The following GCKR variants were observed in gnomAD, a reference collection of about 807,000 sequenced individuals.
GCKR encodes glucokinase regulatory protein.
A neutral mutation model predicts 82.9 loss-of-function variants in GCKR; 73 were observed. That is an observed-to-expected ratio of 0.88 (90% confidence interval 0.73 to 1.07). GCKR has a LOEUF of 1.07. Ranked by LOEUF, GCKR falls within the 50% of genes least tolerant of loss-of-function variation. The pLI is 0.00. For synonymous variants in GCKR, 294 were observed against 291.8 expected, an observed-to-expected ratio of 1.01 and a Z score of -0.08; for missense variants, 784 against 782.1, an observed-to-expected ratio of 1.00 and a Z score of -0.03.
chr2:27,503,617 G>A lies in GCKR; in HGVS notation c.748G>A (p.Gly250Arg), dbSNP rs374489109. ...QKAFVLNPAI[G>R]PEGLSGSSRM... ...AGCTTTTGTGCTCAATCCTGCCATC[G>A]GGGTAGGGCCTCTCCTTTTTCTATG... The change falls in exon 9 of 19, where the codon GGG becomes AGG. Residue 250 changes from glycine to arginine, a missense_variant and splice_region_variant. Physicochemically the swap from Gly to Arg is moderately radical, Grantham distance 125 (BLOSUM62 -2). Transcript: ENST00000264717. 19 of 1,544,128 alleles carry A rather than the reference G, an allele frequency of 1.2e-5. No homozygotes were observed. The African/African-American group carries it at 1.5e-4, about 12-fold the overall frequency.
At chr2:27,522,786 C>A (rs1403106347) in intron 18 of GCKR, among the ~76,000 whole-genome samples, 192 bp downstream of exon 18, 1 of 152,106 alleles carries the variant, frequency 6.6e-6, no homozygotes, top group Non-Finnish European at 1.5e-5. Flanking sequence ...AGGTTTCTTT[C>A]TGCTCTTAAT....
In GCKR at chr2:27,499,428, T is replaced by C. The variant is rs1170940424; in HGVS notation, c.527T>C (p.Ile176Thr). ...VAAGKKRVIV[I>T]GISVGLSAPF... ...GCCGGGAAGAAGAGAGTGATTGTCATTGGCATTTCTGTGGGACTCTCTGTG... is the reference window on the plus strand; with the variant it reads ...GCCGGGAAGAAGAGAGTGATTGTCACTGGCATTTCTGTGGGACTCTCTGTG... The change falls in exon 7 of 19, where the codon ATT becomes ACT. Residue 176 changes from isoleucine (I) to threonine (T), a missense_variant. Physicochemically the swap from Ile to Thr is moderately conservative, Grantham distance 89 (BLOSUM62 -1). Transcript: ENST00000264717. The C allele has an allele frequency of 1.9e-6, 3 of 1,612,414 alleles. No homozygotes were observed. Among genetic ancestry groups the C allele is most frequent in the South Asian group, 1.1e-5 (1 of 91,052 alleles).
chr2:27,519,378 T>G (rs1247096989), intron 17 of GCKR, among the ~76,000 whole-genome samples: 1 of 151,924 alleles, frequency 6.6e-6, no homozygotes, highest in Non-Finnish European at 1.5e-5. Context: ...TTCAGCTCAG[T>G]GCAACCTCCG....
At chr2:27,501,080 G>A in intron 7 of GCKR, 55 bp from the exon 8 acceptor site, 1 of 1,201,374 alleles carries the variant, frequency 8.3e-7, no homozygotes, top group Non-Finnish European at 1.2e-6. Flanking sequence ...TGAGCCTTGG[G>A]CACCACTCAG....
Position 27,508,206 on chromosome 2 carries a change from C to T in GCKR, c.1377C>T (p.Ile459=), listed in dbSNP as rs1321500471. The part of the protein sequence containing the change: ...LKKLFPSIIS[I]TWPLLFFEYE... ...AGCTCTTTCCCTCCATCATCAGCAT[C>T]ACATGGCCACTGCTTTTCTTTGAAT... is the stretch of plus-strand genomic sequence containing the variant. The change falls in exon 16 of 19, where the codon ATC becomes ATT. Residue 459 remains isoleucine, a synonymous_variant. Transcript: ENST00000264717. The T allele has an allele frequency of 6.2e-7, 1 of 1,612,466 alleles. No homozygotes were observed. Among genetic ancestry groups the T allele is most frequent in the Non-Finnish European group, 8.5e-7 (1 of 1,178,448 alleles).
chr2:27,497,050 C>A, intron 1 of GCKR, 86 bp downstream of exon 1: 1 of 1,272,780 alleles, frequency 7.9e-7, no homozygotes, highest in Non-Finnish European at 1.1e-6. Context: ...GGTTTCTGCT[C>A]ACCTCTTCTT....
chr2:27,499,309 C>G, intron 6 of GCKR, 88 bp from the exon 7 acceptor site: 1 of 1,349,166 alleles, frequency 7.4e-7, no homozygotes, highest in South Asian at 1.2e-5. Context: ...TCCTCCCTCC[C>G]CTGTTCCTGG....
chr2:27,500,672 G>A (rs764885783), intron 7 of GCKR, among the ~76,000 whole-genome samples: 2 of 152,122 alleles, frequency 1.3e-5, no homozygotes, highest in Non-Finnish European at 2.9e-5. Context: ...TGTTAGAAAT[G>A]CAAAATCTCA....
At position 27,497,485 on chromosome 2, in the gene GCKR, A is replaced by G. The variant is rs536204164; in HGVS notation, c.217-77A>G. 5,274 of 1,576,702 alleles carry G rather than the reference A, an allele frequency of 3.3e-3. 28 individuals carry two copies. Among genetic ancestry groups the G allele is most frequent in the Non-Finnish European group, 4.1e-3 (4,746 of 1,146,108 alleles). On this transcript the variant is annotated intron_variant, in intron 2 of 18. Coordinates refer to ENST00000264717, the MANE Select transcript of GCKR (RefSeq NM_001486.4). Reference sequence around the variant, plus strand: ...GCTCTCCCTCACCATGGCTCCTAATATCGGAAACCCTGAGACCCCCTCCCC... The same window carrying G: ...GCTCTCCCTCACCATGGCTCCTAATGTCGGAAACCCTGAGACCCCCTCCCC...
rs541385738 is a variant in GCKR, at chr2:27,498,070, T to G, written c.286-185T>G. Reference sequence around the variant, plus strand: ...CAAGTAGTGGAGCAAGACATGGGAGTCAAACTGGTTTCTCTAATCCAATGT... The same window carrying G: ...CAAGTAGTGGAGCAAGACATGGGAGGCAAACTGGTTTCTCTAATCCAATGT... On this transcript the variant is annotated intron_variant, in intron 3 of 18. Transcript: ENST00000264717. 5.3e-5 allele frequency among the ~76,000 whole-genome samples: 8 copies of G among 152,244 alleles called. No individual in the cohort carries two copies. The East Asian group carries it at 9.7e-4, about 18-fold the overall frequency.
chr2:27,501,664 G>A (rs1367879217), intron 8 of GCKR: 2 of 465,062 alleles, frequency 4.3e-6, no homozygotes, highest in Non-Finnish European at 8.9e-6. Flanking sequence ...CCCTTATTTA[G>A]TGCCCATTCT....
At chr2:27,523,190 C>T (rs1489293289) in intron 18 of GCKR, 79 bp from the exon 19 acceptor site, 5 of 1,251,336 alleles carry the variant, frequency 4.0e-6, no homozygotes, top group South Asian at 2.5e-5. Context: ...TGAGCCACTG[C>T]GCCCGACCTT....
rs771766783 is a variant in GCKR, at chr2:27,508,198, A to G, written c.1369A>G (p.Ile457Val). ...IPLKKLFPSIISITWPLLFFE... is the reference protein window; with the variant it reads ...IPLKKLFPSIVSITWPLLFFE... Reference sequence around the variant, plus strand: ...TCTGAAGAAGCTCTTTCCCTCCATCATCAGCATCACATGGCCACTGCTTTT... The same window carrying G: ...TCTGAAGAAGCTCTTTCCCTCCATCGTCAGCATCACATGGCCACTGCTTTT... Residue 457 changes from isoleucine to valine, a missense_variant, in exon 16 of 19, where the codon ATC becomes GTC. Physicochemically the swap from Ile to Val is conservative, Grantham distance 29. Coordinates refer to ENST00000264717, the MANE Select transcript of GCKR (RefSeq NM_001486.4). 1.1e-5 allele frequency: 18 copies of G among 1,612,466 alleles called. No homozygotes were observed. The highest frequency in any genetic ancestry group is 1.4e-5 in the Non-Finnish European group (16 of 1,178,600).
At position 27,508,066 on chromosome 2, in the gene GCKR, A is replaced by T; in HGVS notation, c.1330A>T (p.Thr444Ser). The change falls in exon 15 of 19, where the codon ACC becomes TCC. Residue 444 changes from threonine (T) to serine (S), a missense_variant. Physicochemically the swap from Thr to Ser is moderately conservative, Grantham distance 58. Coordinates refer to ENST00000264717, the MANE Select transcript of GCKR (RefSeq NM_001486.4). Reference protein sequence around the residue: ...QALAHSTVGQTLLIPLKKLFP... With the variant: ...QALAHSTVGQSLLIPLKKLFP... The stretch of plus-strand genomic sequence containing the variant: ...CCTGGCACACAGCACCGTGGGTCAG[A>T]CCTTGCTGGTGAGAGTCCAGCCGTG... 1 of 1,612,988 alleles carries T rather than the reference A, an allele frequency of 6.2e-7. No individual in the cohort carries two copies. The highest frequency in any genetic ancestry group is 1.1e-5 in the South Asian group (1 of 91,060).
chr2:27,501,851 T>A (rs1669589524), intron 8 of GCKR: 1 of 453,334 alleles, frequency 2.2e-6, no homozygotes, highest in South Asian at 1.6e-5. Flanking sequence ...GATGTGGTTC[T>A]GTGCATGAGC....
At chr2:27,520,002 C>T (rs960667026) in intron 17 of GCKR, among the ~76,000 whole-genome samples, 5 of 151,294 alleles carry the variant, frequency 3.3e-5, no homozygotes, top group Admixed American at 6.6e-5. Context: ...TCGCCAGATT[C>T]GGCAAATAAA....
intron 17 of GCKR, among the ~76,000 whole-genome samples, chr2:27,521,554 G>C (rs1223259494): frequency 1.4e-5 from 2 of 147,878 alleles, no homozygotes; most frequent in African/African-American, 5.0e-5. Flanking sequence ...TATTGGCCAG[G>C]CTGGTCTCCA....
chr2:27,512,917 T>G (rs1056407971), intron 16 of GCKR, among the ~76,000 whole-genome samples: 2 of 152,210 alleles, frequency 1.3e-5, no homozygotes, highest in Non-Finnish European at 2.9e-5. Flanking sequence ...TTTGCCTGAT[T>G]GTTTCGTCAT....
intron 17 of GCKR, among the ~76,000 whole-genome samples, chr2:27,522,067 G>A (rs935120951): frequency 9.9e-5 from 15 of 152,178 alleles, no homozygotes; most frequent in African/African-American, 3.6e-4. Flanking sequence ...AGACAGAGAG[G>A]AGGGTAGTGA....
Sources: allele counts gnomAD v4.1 joint callset (sites outside exome capture counted in the v4.1 genomes callset), GRCh38; gene constraint gnomAD v4.1.1; transcripts MANE v1.5; gene names NCBI Gene and HGNC (gene_info 2026-07-23, HGNC 2026-07-21).